The following WDR4 variants were observed in gnomAD, a reference collection of about 807,000 sequenced individuals.
WDR4 encodes tRNA (guanine-N(7)-)-methyltransferase non-catalytic subunit WDR4.
In WDR4, 47 loss-of-function variants were observed where a neutral mutation model predicts 48.6. The observed-to-expected ratio is 0.97, with a 90% CI of 0.77 to 1.23. The LOEUF is 1.23. Ranked by LOEUF, WDR4 falls within the 50% of genes most tolerant of loss-of-function variation. The pLI, the probability that WDR4 is intolerant of heterozygous loss-of-function variation, is 0.00. For synonymous variants in WDR4, 268 were observed against 230.0 expected (o/e 1.17, Z -1.49); for missense variants, 606 against 551.6 (o/e 1.10, Z -0.99).
the WDR4 span, among the ~76,000 whole-genome samples, chr21:42,884,912 A>G: frequency 1.3e-5 from 2 of 151,972 alleles, no homozygotes; most frequent in African/African-American, 4.8e-5. Flanking sequence ...AGTAGCTGGG[A>G]TTATAGGCAC....
chr21:42,855,768 T>C lies in WDR4; in HGVS notation c.640A>G (p.Arg214Gly). The C allele has an allele frequency of 6.4e-7, 1 of 1,551,864 alleles. No homozygotes were observed. Among genetic ancestry groups the C allele is most frequent in the Non-Finnish European group, 8.7e-7 (1 of 1,147,154 alleles). Residue 214 changes from arginine to glycine, a missense_variant, in exon 7 of 11, where the codon AGG becomes GGG. Arg to Gly is a moderately radical substitution (Grantham distance 125, BLOSUM62 -2). Transcript: ENST00000398208. Reference sequence around the variant, plus strand: ...CGGCCGCTCCTGTACTCCCAGAGCCTCAGGGTGCCGTCCTGCACAAACCAA... The same window carrying C: ...CGGCCGCTCCTGTACTCCCAGAGCCCCAGGGTGCCGTCCTGCACAAACCAA... ...LLSSSGDGTLRLWEYRSGRQL... is the reference protein window; with the variant it reads ...LLSSSGDGTLGLWEYRSGRQL...
chr21:42,874,069 A>G (rs2058433638), intron 2 of WDR4, among the ~76,000 whole-genome samples: 2 of 152,204 alleles, frequency 1.3e-5, no homozygotes, highest in Non-Finnish European at 2.9e-5. Context: ...TAATCTCAGC[A>G]CTTTGGTGTT....
intron 2 of WDR4, 37 bp downstream of exon 2, chr21:42,876,665 T>C (rs753709596): frequency 6.3e-7 from 1 of 1,599,204 alleles, no homozygotes; most frequent in East Asian, 2.2e-5. Context: ...TATCGAACCA[T>C]TAAAGCAGGC....
chr21:42,863,671 G>A, intron 3 of WDR4, 75 bp from the exon 4 acceptor site: 1 of 1,505,972 alleles, frequency 6.6e-7, no homozygotes, highest in Non-Finnish European at 9.0e-7. Flanking sequence ...CAGGCCACGT[G>A]GGCGGTGGCA....
chr21:42,860,073 A>G (rs2058081447), intron 5 of WDR4, among the ~76,000 whole-genome samples: 1 of 152,122 alleles, frequency 6.6e-6, no homozygotes, highest in Non-Finnish European at 1.5e-5. Flanking sequence ...GCACCTCTAC[A>G]GGCCCCCCAG....
chr21:42,857,983 C>T lies in WDR4; in HGVS notation c.627+1679G>A, dbSNP rs1205221779. 2.0e-5 allele frequency among the ~76,000 whole-genome samples: 3 copies of T among 151,928 alleles called. No individual in the cohort carries two copies. In the South Asian group the frequency reaches 6.2e-4, roughly 32 times the overall value. ...GTGTGTGCCTGTAATACTAGCTACT[C>T]GGGAGGCCTGAGGTGGGAGGATTGC... On this transcript the variant is annotated intron_variant, in intron 6 of 10. Transcript: ENST00000398208.
intron 7 of WDR4, among the ~76,000 whole-genome samples, chr21:42,855,222 C>A (rs888985988): frequency 7.2e-5 from 11 of 152,198 alleles, no homozygotes; most frequent in African/African-American, 2.4e-4. Context: ...CTCTCTTACA[C>A]AGCTGCCTGG....
intron 2 of WDR4, among the ~76,000 whole-genome samples, chr21:42,875,032 T>C (rs1186444680): frequency 1.3e-5 from 2 of 152,134 alleles, no homozygotes; most frequent in Non-Finnish European, 2.9e-5. Flanking sequence ...GACGCCCAGC[T>C]TTAAAATTTC....
At chr21:42,869,315 C>T (rs1475686788) in intron 3 of WDR4, among the ~76,000 whole-genome samples, 1 of 152,174 alleles carries the variant, frequency 6.6e-6, no homozygotes, top group Non-Finnish European at 1.5e-5. Context: ...TTCTACAACC[C>T]CACTCACCAT....
Position 42,879,436 on chromosome 21 carries a change from G to A in WDR4, c.60C>T (p.Ser20=). The part of the protein sequence containing the change: ...CGQTLVVRGG[S]RFLATSIASS... ...TTGCTATGGAGGTGGCCAGGAATCGGCTGCCGCCCCGCACCACCAACGTCT... is the reference window on the plus strand; with the variant it reads ...TTGCTATGGAGGTGGCCAGGAATCGACTGCCGCCCCGCACCACCAACGTCT... Residue 20 remains serine (S), a synonymous_variant, in exon 1 of 11, where the codon AGC becomes AGT. Transcript: ENST00000398208. 6.2e-7 allele frequency: 1 copy of A among 1,613,792 alleles called. No homozygotes were observed. The highest frequency in any genetic ancestry group is 8.5e-7 in the Non-Finnish European group (1 of 1,179,886).
At chr21:42,852,468 A>G (rs986627067) in intron 9 of WDR4, 144 bp from the exon 10 acceptor site, 1 of 865,186 alleles carries the variant, frequency 1.2e-6, no homozygotes, top group African/African-American at 1.7e-5. Flanking sequence ...TTCTGTGGAG[A>G]CCTGGGGAGG....
chr21:42,878,901 G>C (rs1050414362), intron 1 of WDR4: 3 of 959,854 alleles, frequency 3.1e-6, no homozygotes, highest in East Asian at 1.1e-4. Context: ...AGTGGATGCA[G>C]GCCGGGAAGA....
In WDR4 at chr21:42,852,262, C is replaced by G; in HGVS notation, c.1038G>C (p.Met346Ile). 6.2e-7 allele frequency: 1 copy of G among 1,614,180 alleles called. No individual in the cohort carries two copies. The highest frequency in any genetic ancestry group is 2.2e-5 in the East Asian group (1 of 44,888). Residue 346 changes from methionine to isoleucine, a missense_variant, in exon 10 of 11, where the codon ATG (methionine) becomes ATC (isoleucine). Coordinates refer to ENST00000398208, the MANE Select transcript of WDR4 (RefSeq NM_018669.6). ...CTGCACCCGTGCTCTCACCTTCCAG[C>G]ATGGCCCAGTTCCCACGAAGAACAC... Reference protein sequence around the residue: ...VSGVLRGNWAMLEGSAGADAS... With the variant: ...VSGVLRGNWAILEGSAGADAS...
the WDR4 span, among the ~76,000 whole-genome samples, chr21:42,887,646 C>T: frequency 7.9e-5 from 12 of 152,348 alleles, no homozygotes; most frequent in African/African-American, 2.9e-4. Flanking sequence ...TGCATCTTTA[C>T]ATTTACGTTT....
chr21:42,888,136 AAT>A, the WDR4 span, among the ~76,000 whole-genome samples: 1 of 152,162 alleles, frequency 6.6e-6, no homozygotes, highest in Non-Finnish European at 1.5e-5. Flanking sequence ...AAAATTTTTC[AAT>A]ATATTTGTTG....
At chr21:42,868,427 G>A (rs944976775) in intron 3 of WDR4, among the ~76,000 whole-genome samples, 4 of 152,260 alleles carry the variant, frequency 2.6e-5, no homozygotes, top group African/African-American at 9.6e-5. Flanking sequence ...AAGAGTCAGC[G>A]TCTTCAAGAC....
At chr21:42,858,644 G>A (rs781601112) in intron 6 of WDR4, among the ~76,000 whole-genome samples, 5 of 152,130 alleles carry the variant, frequency 3.3e-5, no homozygotes, top group Non-Finnish European at 4.4e-5. Flanking sequence ...TTCTCTGCCC[G>A]TGGAAGATTT....
At chr21:42,863,931 C>T (rs1314436589) in intron 3 of WDR4, among the ~76,000 whole-genome samples, 11 of 74,162 alleles carry the variant, frequency 1.5e-4, no homozygotes, top group Admixed American at 8.5e-4. Flanking sequence ...ACGGTGAAAA[C>T]CCCGTCTCTA....
chr21:42,869,273 G>C (rs931109234), intron 3 of WDR4, among the ~76,000 whole-genome samples: 3 of 152,172 alleles, frequency 2.0e-5, no homozygotes, highest in African/African-American at 7.2e-5. Flanking sequence ...TGTACTCCAG[G>C]GGAAGCAGAC....
Sources: allele counts gnomAD v4.1 joint callset (sites outside exome capture counted in the v4.1 genomes callset), GRCh38; gene constraint gnomAD v4.1.1; transcripts MANE v1.5; gene names NCBI Gene and HGNC (gene_info 2026-07-23, HGNC 2026-07-21).